Variants in ASTN1 observed in about 807,000 individuals in gnomAD.
ASTN1 encodes astrotactin-1.
Under a neutral mutation model 140.7 loss-of-function variants are expected in ASTN1, and 41 were observed. The ratio of observed to expected loss-of-function variants is 0.29; its 90% CI spans 0.23 to 0.38. The LOEUF is 0.38. Ranked by LOEUF, ASTN1 falls within the 10% of genes least tolerant of loss-of-function variation. ASTN1 has a pLI of 1.00. For synonymous variants in ASTN1, 640 were observed against 652.2 expected (o/e 0.98, Z 0.29); for missense variants, 1,479 against 1,678.8 (o/e 0.88, Z 2.08).
intron 8 of ASTN1, among the ~76,000 whole-genome samples, chr1:177,014,116 C>A (rs1157804668): frequency 6.6e-6 from 1 of 150,406 alleles, no homozygotes; most frequent in Non-Finnish European, 1.5e-5. Flanking sequence ...TTACTTAATG[C>A]CACTGAATTG....
chr1:176,894,530 C>T, intron 17 of ASTN1, 32 bp downstream of exon 17: 2 of 1,605,948 alleles, frequency 1.2e-6, no homozygotes, highest in Non-Finnish European at 1.7e-6. Flanking sequence ...GTGGTTGACG[C>T]CTCCCAGAGC....
chr1:176,861,300 C>T lies in ASTN1; in HGVS notation c.*2984G>A, dbSNP rs1667951498. ...TGAACGGACCAAACTCCATGGAAAA[C>T]GATTGCACACTCAATTAAAAGTCTA... On this transcript the variant is annotated 3_prime_UTR_variant, in exon 23 of 23. Coordinates refer to ENST00000361833, the MANE Select transcript of ASTN1 (RefSeq NM_004319.3). The T allele has an allele frequency of 1.0e-5, 10 of 985,542 alleles. No individual in the cohort carries two copies. The highest frequency in any genetic ancestry group is 5.2e-4 in the Middle Eastern group (1 of 1,936). 61.0% of individuals were successfully genotyped at this position (985,542 alleles called of 1,614,324 possible).
intron 1 of ASTN1, among the ~76,000 whole-genome samples, chr1:177,096,758 T>C (rs947764954): frequency 1.3e-5 from 2 of 152,200 alleles, no homozygotes; most frequent in African/African-American, 2.4e-5. Flanking sequence ...TCTACCATCA[T>C]GGTGAGGCCT....
At chr1:177,091,019 C>G (rs1483349321) in intron 1 of ASTN1, among the ~76,000 whole-genome samples, 1 of 151,964 alleles carries the variant, frequency 6.6e-6, no homozygotes, top group Non-Finnish European at 1.5e-5. Context: ...TGCTTGATAA[C>G]AAAGGAGTGA....
intron 1 of ASTN1, among the ~76,000 whole-genome samples, chr1:177,140,947 T>A (rs1341169582): frequency 6.6e-6 from 1 of 152,228 alleles, no homozygotes. Context: ...CTGGGCTCAG[T>A]GGCTCACGCC....
intron 17 of ASTN1, among the ~76,000 whole-genome samples, chr1:176,891,873 TACAC>T (rs1669283838): frequency 6.6e-6 from 1 of 152,090 alleles, no homozygotes; most frequent in Non-Finnish European, 1.5e-5. Context: ...AAGATGTAGA[TACAC>T]ACACAATGGG....
Position 176,987,441 on chromosome 1 carries a change from G to A in ASTN1, c.1524-22204C>T, listed in dbSNP as rs542275359. Among the ~76,000 whole-genome samples, 10 of 152,158 alleles carry A rather than the reference G, an allele frequency of 6.6e-5. No homozygotes were observed. The South Asian group carries it at 8.3e-4, about 13-fold the overall frequency. On this transcript the variant is annotated intron_variant, in intron 8 of 22. Coordinates refer to ENST00000361833, the MANE Select transcript of ASTN1 (RefSeq NM_004319.3). ...GCCTCCTGTGCTTTCCTATAATACC[G>A]TATTCATCATCCCCTCTCCTGCTTA...
intron 20 of ASTN1, among the ~76,000 whole-genome samples, chr1:176,877,228 A>G (rs1360425775): frequency 1.3e-5 from 2 of 152,228 alleles, no homozygotes; most frequent in African/African-American, 4.8e-5. Context: ...AAATACCTGA[A>G]AGATAATATG....
In ASTN1 at chr1:176,957,585, C is replaced by A. The variant is rs1378189583; in HGVS notation, c.1887+93G>T. On this transcript the variant is annotated intron_variant, in intron 11 of 22. Coordinates refer to ENST00000361833, the MANE Select transcript of ASTN1 (RefSeq NM_004319.3). ...TGGTGTTTACAACTGGGGATCACAG[C>A]ACATTTTTCCCTATGTATCTGTATT... 11 of 1,471,868 alleles carry A rather than the reference C, an allele frequency of 7.5e-6. No homozygotes were observed. In the East Asian group the frequency reaches 2.5e-4, roughly 34 times the overall value. The allele number at this position is 1,471,868 out of a possible 1,614,324, so 91.2% of individuals were successfully genotyped here.
Position 176,862,900 on chromosome 1 carries a change from C to T in ASTN1, c.*1384G>A, listed in dbSNP as rs937349484. On this transcript the variant is annotated 3_prime_UTR_variant, in exon 23 of 23. Coordinates refer to ENST00000361833, the MANE Select transcript of ASTN1 (RefSeq NM_004319.3). ...CTTGCATCTGTTTGCTGACCTTTCT[C>T]ATATGTTTCCAGATGAGGAGCCCTG... is the stretch of plus-strand genomic sequence containing the variant. The T allele has an allele frequency of 1.0e-6, 1 of 985,370 alleles. No individual in the cohort carries two copies. The highest frequency in any genetic ancestry group is 6.1e-5 in the Admixed American group (1 of 16,270). The allele number at this position is 985,370 out of a possible 1,614,324, so 61.0% of individuals were successfully genotyped here. A position where few individuals can be genotyped will look rare whatever the true frequency, so the allele number is the denominator to read the frequency against.
intron 16 of ASTN1, among the ~76,000 whole-genome samples, chr1:176,921,591 A>AT (rs1479509256): frequency 6.6e-6 from 1 of 152,258 alleles, no homozygotes; most frequent in Non-Finnish European, 1.5e-5. Flanking sequence ...GAAACTTACA[A>AT]TAACAATCAC....
At chr1:176,933,024 T>G (rs1557970015) in intron 16 of ASTN1, among the ~76,000 whole-genome samples, 1 of 152,196 alleles carries the variant, frequency 6.6e-6, no homozygotes, top group South Asian at 2.1e-4. Context: ...ATCCTAAAGT[T>G]TGAAGAGATA....
intron 1 of ASTN1, among the ~76,000 whole-genome samples, chr1:177,153,176 G>A (rs1683110512): frequency 6.6e-6 from 1 of 152,084 alleles, no homozygotes; most frequent in Non-Finnish European, 1.5e-5. Context: ...AGGTAAGTGA[G>A]TTCTTGCTCT....
Position 177,061,186 on chromosome 1 carries a change from G to A in ASTN1, c.363C>T (p.His121=). ...QWLENGTLLF[H]IHHQDGAPSL... ...TTGGGGCACCATCTTGGTGATGAAT[G>A]TGAAAAAGCAAAGTGCCATTCTCCA... The change falls in exon 2 of 23, where the codon CAC becomes CAT. Residue 121 remains histidine, a synonymous_variant. Transcript: ENST00000361833. The A allele has an allele frequency of 6.2e-7, 1 of 1,610,836 alleles. No individual in the cohort carries two copies. Among genetic ancestry groups the A allele is most frequent in the Non-Finnish European group, 8.5e-7 (1 of 1,178,586 alleles).
intron 2 of ASTN1, among the ~76,000 whole-genome samples, chr1:177,050,265 GC>G (rs1170752151): frequency 2.6e-5 from 4 of 152,110 alleles, no homozygotes; most frequent in Non-Finnish European, 4.4e-5. Flanking sequence ...CTCTCATATA[GC>G]CCTATCTTCT....
intron 6 of ASTN1, 49 bp from the exon 7 acceptor site, chr1:177,023,620 C>T: frequency 5.4e-6 from 8 of 1,479,916 alleles, no homozygotes; most frequent in African/African-American, 1.4e-5. Flanking sequence ...ACACAGCACA[C>T]GTCCACAAGC....
At chr1:177,119,725 T>C (rs1265780462) in intron 1 of ASTN1, among the ~76,000 whole-genome samples, 1 of 152,190 alleles carries the variant, frequency 6.6e-6, no homozygotes, top group Non-Finnish European at 1.5e-5. Context: ...AGTGTGAATG[T>C]GTTTAATGTC....
chr1:176,861,952 C>T lies in ASTN1; in HGVS notation c.*2332G>A. 1 of 985,596 alleles carries T rather than the reference C, an allele frequency of 1.0e-6. No individual in the cohort carries two copies. Among genetic ancestry groups the T allele is most frequent in the Non-Finnish European group, 1.2e-6 (1 of 830,094 alleles). 61.1% of individuals were successfully genotyped at this position (985,596 alleles called of 1,614,324 possible). On this transcript the variant is annotated 3_prime_UTR_variant, in exon 23 of 23. Coordinates refer to ENST00000361833, the MANE Select transcript of ASTN1 (RefSeq NM_004319.3). The stretch of plus-strand genomic sequence containing the variant: ...CTTCACCCTCTCCCTGGCCTGTCAA[C>T]TCCCACATCATCCACTTCTGGGCAG...
At chr1:176,972,764 A>G (rs984835311) in intron 8 of ASTN1, among the ~76,000 whole-genome samples, 5 of 152,192 alleles carry the variant, frequency 3.3e-5, no homozygotes, top group Non-Finnish European at 7.4e-5. Context: ...AAACAAACTT[A>G]TTTATAATTT....
Sources: allele counts gnomAD v4.1 joint callset (sites outside exome capture counted in the v4.1 genomes callset), GRCh38; gene constraint gnomAD v4.1.1; transcripts MANE v1.5; gene names NCBI Gene and HGNC (gene_info 2026-07-23, HGNC 2026-07-21).